The following ZMYM4 variants were observed in gnomAD, a reference collection of about 807,000 sequenced individuals.
ZMYM4 encodes zinc finger MYM-type protein 4.
In ZMYM4, 31 loss-of-function variants were observed where a neutral mutation model predicts 183.2. That is an observed-to-expected ratio of 0.17 (90% confidence interval 0.13 to 0.23). The LOEUF is 0.23. ZMYM4 is among the 10% of genes least tolerant of loss of function. The pLI is 1.00. For missense variants in ZMYM4, 1,273 were observed against 1,840.3 expected, an observed-to-expected ratio of 0.69 and a Z score of 5.64; for synonymous variants, 592 against 631.2, an observed-to-expected ratio of 0.94 and a Z score of 0.93.
At chr1:35,348,307 T>C (rs1169909566) in intron 2 of ZMYM4, among the ~76,000 whole-genome samples, 1 of 152,234 alleles carries the variant, frequency 6.6e-6, no homozygotes, top group Non-Finnish European at 1.5e-5. Context: ...TTTCAAACTT[T>C]AAAAAAATTT....
At chr1:35,335,904 G>T (rs1175665761) in intron 2 of ZMYM4, among the ~76,000 whole-genome samples, 2 of 152,200 alleles carry the variant, frequency 1.3e-5, no homozygotes, top group Non-Finnish European at 2.9e-5. Context: ...AGTGAGCCTG[G>T]GCGAGAGAGC....
intron 1 of ZMYM4, among the ~76,000 whole-genome samples, chr1:35,279,982 T>C (rs1223641091): frequency 6.6e-6 from 1 of 152,246 alleles, no homozygotes; most frequent in Non-Finnish European, 1.5e-5. Flanking sequence ...GACATCAGTA[T>C]TTCTACCACC....
chr1:35,381,115 A>G (rs1644448961), intron 7 of ZMYM4, 144 bp from the exon 8 acceptor site: 1 of 641,322 alleles, frequency 1.6e-6, no homozygotes, highest in South Asian at 3.8e-5. Context: ...AGTGTCTCCC[A>G]GAAAATTAAA....
At chr1:35,388,577 TAAAACAAAAACA>T (rs752816381) in intron 13 of ZMYM4, among the ~76,000 whole-genome samples, 1 of 151,954 alleles carries the variant, frequency 6.6e-6, no homozygotes, top group Non-Finnish European at 1.5e-5. Flanking sequence ...TTATATCATT[TAAAACAAAAACA>T]AAAACAAAGC....
At chr1:35,352,394 A>G (rs1183376974) in intron 2 of ZMYM4, among the ~76,000 whole-genome samples, 15 of 151,278 alleles carry the variant, frequency 9.9e-5, no homozygotes, top group Admixed American at 8.6e-4. Flanking sequence ...GCGCACACAC[A>G]CACACACACA....
intron 2 of ZMYM4, among the ~76,000 whole-genome samples, chr1:35,344,145 C>T (rs754358601): frequency 4.6e-5 from 7 of 151,712 alleles, no homozygotes; most frequent in Non-Finnish European, 8.8e-5. Flanking sequence ...CCTCTACCTC[C>T]TGGGTTCAAG....
intron 2 of ZMYM4, among the ~76,000 whole-genome samples, chr1:35,342,656 G>T (rs554091413): frequency 6.6e-6 from 1 of 151,776 alleles, no homozygotes; most frequent in Non-Finnish European, 1.5e-5. Flanking sequence ...TTATGAAGTT[G>T]TAAGGATCCT....
At chr1:35,307,498 A>T (rs948268835) in intron 1 of ZMYM4, among the ~76,000 whole-genome samples, 10 of 150,288 alleles carry the variant, frequency 6.7e-5, no homozygotes, top group African/African-American at 1.5e-4. Context: ...TTAATTGTTT[A>T]AAAAAAATTT....
intron 1 of ZMYM4, among the ~76,000 whole-genome samples, chr1:35,273,587 T>G (rs1386080218): frequency 1.3e-5 from 2 of 152,220 alleles, no homozygotes; most frequent in Non-Finnish European, 2.9e-5. Context: ...TAAAATTCTG[T>G]GTGTATTAAA....
chr1:35,358,770 A>G, intron 2 of ZMYM4, 155 bp from the exon 3 acceptor site: 2 of 636,542 alleles, frequency 3.1e-6, no homozygotes, highest in South Asian at 2.6e-5. Flanking sequence ...GAATAGTTAT[A>G]TCTGTCACAC....
chr1:35,397,622 A>G (rs1570522681), intron 20 of ZMYM4, 77 bp downstream of exon 20: 6 of 1,329,036 alleles, frequency 4.5e-6, no homozygotes, highest in East Asian at 2.5e-5. Context: ...AATTTTAAGT[A>G]TAAGACAGGG....
intron 1 of ZMYM4, among the ~76,000 whole-genome samples, chr1:35,318,034 A>T (rs1642123799): frequency 1.3e-5 from 2 of 150,948 alleles, no homozygotes; most frequent in South Asian, 4.2e-4. Flanking sequence ...GCCAATTCAA[A>T]TTTAGAAGGG....
intron 23 of ZMYM4, among the ~76,000 whole-genome samples, chr1:35,402,417 A>G (rs2149017638): frequency 6.6e-6 from 1 of 152,222 alleles, no homozygotes; most frequent in East Asian, 1.9e-4. Context: ...GGAGTTTGAG[A>G]CCAGCCTGGG....
chr1:35,346,191 TG>T (rs961593215), intron 2 of ZMYM4, among the ~76,000 whole-genome samples: 9 of 152,326 alleles, frequency 5.9e-5, no homozygotes, highest in Non-Finnish European at 1.0e-4. Flanking sequence ...GTTGGACACT[TG>T]GGTTTCTTCT....
Position 35,347,005 on chromosome 1 carries a change from A to G in ZMYM4, c.86-11920A>G, listed in dbSNP as rs143422674. On this transcript the variant is annotated intron_variant, in intron 2 of 29. Transcript: ENST00000314607. ...ATTGTTTAATTAGGACTTCTTCTAT[A>G]TATATGTATTTATTTTGAGATGGAG... Among the ~76,000 whole-genome samples the G allele has an allele frequency of 8.5e-5, 13 of 152,222 alleles. 2 individuals are homozygous for G. The highest frequency in any genetic ancestry group is 2.6e-4 in the African/African-American group (11 of 41,554).
intron 1 of ZMYM4, among the ~76,000 whole-genome samples, chr1:35,269,728 A>G (rs766442385): frequency 6.6e-6 from 1 of 152,332 alleles, no homozygotes; most frequent in East Asian, 1.9e-4. Context: ...AAGTTTTCTC[A>G]TAACAGGGAT....
Position 35,308,359 on chromosome 1 carries a change from C to T in ZMYM4, c.40-17001C>T, listed in dbSNP as rs555116826. 6.6e-5 allele frequency among the ~76,000 whole-genome samples: 10 copies of T among 152,322 alleles called. No individual in the cohort carries two copies. In the East Asian group the frequency reaches 1.7e-3, roughly 26 times the overall value. ...TACAGAGTACACCTACTGTGTCCCA[C>T]ACAAATGAAATGCAATGGTATATAC... On this transcript the variant is annotated intron_variant, in intron 1 of 29. Coordinates refer to ENST00000314607, the MANE Select transcript of ZMYM4 (RefSeq NM_005095.3).
intron 5 of ZMYM4, among the ~76,000 whole-genome samples, chr1:35,366,682 A>G (rs186926448): frequency 6.6e-6 from 1 of 152,324 alleles, no homozygotes; most frequent in African/African-American, 2.4e-5. Context: ...CCATCTTTTT[A>G]AATGTAAGAA....
chr1:35,281,059 C>T (rs567936110), intron 1 of ZMYM4, among the ~76,000 whole-genome samples: 13 of 152,146 alleles, frequency 8.5e-5, no homozygotes, highest in Admixed American at 3.3e-4. Context: ...CCACTGCGGG[C>T]GGAACACGAG....
Sources: allele counts gnomAD v4.1 joint callset (sites outside exome capture counted in the v4.1 genomes callset), GRCh38; gene constraint gnomAD v4.1.1; transcripts MANE v1.5; gene names NCBI Gene and HGNC (gene_info 2026-07-23, HGNC 2026-07-21).